ZSWIM6: variants seen among roughly 807,000 people sequenced by gnomAD.
ZSWIM6 encodes the protein zinc finger SWIM-type containing 6.
ZSWIM6 carries 9 observed loss-of-function variants against 113.2 expected under a neutral mutation model. The observed-to-expected ratio is 0.08, with a 90% CI of 0.05 to 0.14. The LOEUF is 0.14. Ranked by LOEUF, ZSWIM6 falls within the 10% of genes least tolerant of loss-of-function variation. The pLI, the probability that ZSWIM6 is intolerant of heterozygous loss-of-function variation, is 1.00. For synonymous variants in ZSWIM6, 611 were observed against 606.5 expected (o/e 1.01, Z -0.11); for missense variants, 1,162 against 1,552.2 (o/e 0.75, Z 4.22).
chr5:61,367,801 G>C (rs1409087460), intron 1 of ZSWIM6, among the ~76,000 whole-genome samples: 3 of 152,036 alleles, frequency 2.0e-5, no homozygotes, highest in African/African-American at 7.2e-5. Flanking sequence ...TAGTGCCTCT[G>C]TTTCCACATT....
Position 61,521,448 on chromosome 5 carries a change from T to C in ZSWIM6, c.1513+6T>C, listed in dbSNP as rs1749118686. 6.9e-7 allele frequency: 1 copy of C among 1,454,824 alleles called. No homozygotes were observed. The highest frequency in any genetic ancestry group is 1.4e-5 in the African/African-American group (1 of 68,982). The allele number at this position is 1,454,824 out of a possible 1,614,324, so 90.1% of individuals were successfully genotyped here. ...GGGTGCAAATGCCAACCAAGGTGAG[T>C]CTACCATAATGTTCTGCTTAAATTG... On this transcript the variant is annotated splice_donor_region_variant and intron_variant, in intron 5 of 13. Coordinates refer to ENST00000252744, the MANE Select transcript of ZSWIM6 (RefSeq NM_020928.2).
At chr5:61,461,461 C>A (rs978815389) in intron 1 of ZSWIM6, among the ~76,000 whole-genome samples, 5 of 152,176 alleles carry the variant, frequency 3.3e-5, no homozygotes, top group African/African-American at 1.2e-4. Flanking sequence ...AATCAAGAGT[C>A]CCAGTCTCTC....
chr5:61,433,160 A>G (rs1484923552), intron 1 of ZSWIM6, among the ~76,000 whole-genome samples: 1 of 152,220 alleles, frequency 6.6e-6, no homozygotes, highest in Non-Finnish European at 1.5e-5. Flanking sequence ...AGTGCTATCA[A>G]AAAAGATTTA....
At chr5:61,447,439 C>T (rs908984763) in intron 1 of ZSWIM6, among the ~76,000 whole-genome samples, 22 of 152,122 alleles carry the variant, frequency 1.4e-4, no homozygotes, top group African/African-American at 4.6e-4. Context: ...GCTTGTTCAA[C>T]CTGCAAACAG....
intron 1 of ZSWIM6, among the ~76,000 whole-genome samples, chr5:61,379,385 C>G (rs765218586): frequency 1.3e-5 from 2 of 151,964 alleles, no homozygotes; most frequent in Non-Finnish European, 2.9e-5. Context: ...TATTGCCTCT[C>G]TTTTCCTTTA....
At chr5:61,408,258 TAAC>T (rs1003500778) in intron 1 of ZSWIM6, among the ~76,000 whole-genome samples, 12 of 152,230 alleles carry the variant, frequency 7.9e-5, no homozygotes, top group African/African-American at 2.4e-4. Context: ...ACAAGAGAAG[TAAC>T]AATTTATCAT....
At chr5:61,389,956 G>A (rs546625504) in intron 1 of ZSWIM6, among the ~76,000 whole-genome samples, 36 of 152,240 alleles carry the variant, frequency 2.4e-4, no homozygotes, top group African/African-American at 8.0e-4. Flanking sequence ...TAATGAGAAC[G>A]TGTCATTAAT....
intron 4 of ZSWIM6, among the ~76,000 whole-genome samples, chr5:61,511,223 A>G (rs1329721006): frequency 1.3e-5 from 2 of 152,156 alleles, no homozygotes; most frequent in African/African-American, 4.8e-5. Flanking sequence ...GAATGTTGCA[A>G]GCAAATTAAT....
chr5:61,468,044 G>A (rs1747476919), intron 1 of ZSWIM6, among the ~76,000 whole-genome samples: 1 of 152,160 alleles, frequency 6.6e-6, no homozygotes, highest in Non-Finnish European at 1.5e-5. Flanking sequence ...AATTTAATGA[G>A]CACTTTTACT....
Position 61,546,064 on chromosome 5 carries a change from G to T in ZSWIM6, c.*1747G>T, listed in dbSNP as rs1198103937. On this transcript the variant is annotated 3_prime_UTR_variant, in exon 14 of 14. Coordinates refer to ENST00000252744, the MANE Select transcript of ZSWIM6 (RefSeq NM_020928.2). ...TGCTCATGAAGTTGAAAGTAATTAA[G>T]ATTTGATACACTGATATCAATTTAT... The T allele has an allele frequency of 1.3e-5, 2 of 152,168 alleles. No individual in the cohort carries two copies. Among genetic ancestry groups the T allele is most frequent in the Non-Finnish European group, 2.9e-5 (2 of 68,008 alleles). The allele number at this position is 152,168 out of a possible 1,614,324, so 9.4% of individuals were successfully genotyped here. A position where few individuals can be genotyped will look rare whatever the true frequency, so the allele number is the denominator to read the frequency against.
At chr5:61,510,580 T>C (rs1483050231) in intron 4 of ZSWIM6, among the ~76,000 whole-genome samples, 1 of 152,004 alleles carries the variant, frequency 6.6e-6, no homozygotes, top group Non-Finnish European at 1.5e-5. Context: ...GCCATCTTTT[T>C]GCTAAAATCA....
At chr5:61,338,642 A>G (rs1035017915) in intron 1 of ZSWIM6, among the ~76,000 whole-genome samples, 4 of 152,236 alleles carry the variant, frequency 2.6e-5, no homozygotes, top group African/African-American at 9.6e-5. Context: ...ATATTGCTCC[A>G]TTGAGAAAAT....
intron 1 of ZSWIM6, among the ~76,000 whole-genome samples, chr5:61,454,786 G>A (rs1252992272): frequency 6.6e-6 from 1 of 151,784 alleles, no homozygotes; most frequent in African/African-American, 2.4e-5. Flanking sequence ...GTTTCACCAT[G>A]TTGGTCAGGC....
chr5:61,486,262 C>T (rs1452148646), intron 2 of ZSWIM6, among the ~76,000 whole-genome samples: 6 of 152,106 alleles, frequency 3.9e-5, no homozygotes, highest in Admixed American at 3.9e-4. Flanking sequence ...CTTGTTCCAT[C>T]TATGGTGCTG....
At chr5:61,389,106 G>C (rs527359144) in intron 1 of ZSWIM6, among the ~76,000 whole-genome samples, 157 of 152,190 alleles carry the variant, frequency 1.0e-3, no homozygotes, top group African/African-American at 3.6e-3. Context: ...ATTTTGGTTT[G>C]TTCTTTCACC....
intron 1 of ZSWIM6, chr5:61,391,766 C>A (rs1561219608): frequency 9.6e-7 from 1 of 1,044,542 alleles, no homozygotes; most frequent in South Asian, 1.3e-5. Flanking sequence ...TTGGAAGGGT[C>A]ATCCTTAGGA....
chr5:61,430,448 A>C (rs1403455902), intron 1 of ZSWIM6, among the ~76,000 whole-genome samples: 1 of 152,182 alleles, frequency 6.6e-6, no homozygotes, highest in Non-Finnish European at 1.5e-5. Flanking sequence ...TATTAATCTT[A>C]AATCTGATAT....
chr5:61,381,952 G>A (rs1227286134), intron 1 of ZSWIM6, among the ~76,000 whole-genome samples: 2 of 152,172 alleles, frequency 1.3e-5, no homozygotes, highest in Admixed American at 6.5e-5. Flanking sequence ...TGTAGCTAAC[G>A]TGTTGTACTA....
intron 1 of ZSWIM6, among the ~76,000 whole-genome samples, chr5:61,423,217 G>A (rs1010443659): frequency 1.3e-5 from 2 of 152,036 alleles, no homozygotes; most frequent in African/African-American, 4.8e-5. Context: ...GACCAGCCTG[G>A]CCAACATAGT....
Sources: gnomAD v4.1 joint callset for allele counts (sites outside exome capture counted in the v4.1 genomes callset) on GRCh38, gnomAD v4.1.1 for gene constraint, MANE v1.5 for transcripts, NCBI Gene and HGNC (gene_info 2026-07-23, HGNC 2026-07-21) for gene names.